Variants in SETBP1 observed in about 807,000 individuals in gnomAD.
SETBP1 encodes SET-binding protein.
Under a neutral mutation model 101.0 loss-of-function variants are expected in SETBP1, and 9 were observed. That is an observed-to-expected ratio of 0.09 (90% CI 0.05 to 0.16). The LOEUF is 0.16. SETBP1 is among the 10% of genes least tolerant of loss of function. The pLI is 1.00. For missense variants in SETBP1, 1,858 were observed against 2,033.8 expected, an observed-to-expected ratio of 0.91 and a Z score of 1.66; for synonymous variants, 818 against 788.5, an observed-to-expected ratio of 1.04 and a Z score of -0.63.
intron 1 of SETBP1, among the ~76,000 whole-genome samples, chr18:44,699,053 T>G (rs544946751): frequency 1.3e-4 from 20 of 152,354 alleles, no homozygotes; most frequent in Admixed American, 3.3e-4. Context: ...AGAGTTCACC[T>G]TCTTTTATTG....
chr18:44,856,121 GT>G (rs1206168604), intron 2 of SETBP1, among the ~76,000 whole-genome samples: 5 of 150,378 alleles, frequency 3.3e-5, no homozygotes, highest in African/African-American at 1.2e-4. Context: ...GATCATGAAG[GT>G]TAAAAAAAAA....
intron 2 of SETBP1, among the ~76,000 whole-genome samples, chr18:44,772,465 G>T (rs1218303443): frequency 1.3e-5 from 2 of 152,164 alleles, no homozygotes; most frequent in Admixed American, 6.5e-5. Context: ...ACTGGGAACC[G>T]CATCCCTGGG....
intron 2 of SETBP1, among the ~76,000 whole-genome samples, chr18:44,811,462 G>A (rs529568410): frequency 1.4e-4 from 22 of 152,360 alleles, no homozygotes; most frequent in African/African-American, 4.8e-4. Flanking sequence ...TTGGCAAATT[G>A]TTTGTGCTGA....
intron 1 of SETBP1, among the ~76,000 whole-genome samples, chr18:44,681,614 A>G (rs2068761799): frequency 6.9e-6 from 1 of 144,256 alleles, no homozygotes; most frequent in Non-Finnish European, 1.5e-5. Flanking sequence ...AACTGGAAAT[A>G]TTTTCATTGG....
intron 3 of SETBP1, among the ~76,000 whole-genome samples, chr18:44,948,584 T>C (rs2071267302): frequency 1.3e-5 from 2 of 152,208 alleles, no homozygotes; most frequent in Non-Finnish European, 2.9e-5. Context: ...CCAGTCATCA[T>C]ATACTTCCTG....
At chr18:44,953,865 C>A (rs1181786089) in intron 4 of SETBP1, among the ~76,000 whole-genome samples, 1 of 152,170 alleles carries the variant, frequency 6.6e-6, no homozygotes, top group African/African-American at 2.4e-5. Flanking sequence ...CATCAGGTAG[C>A]CACAGCCTTG....
intron 3 of SETBP1, among the ~76,000 whole-genome samples, chr18:44,921,272 C>A (rs1352407517): frequency 6.6e-6 from 1 of 152,190 alleles, no homozygotes; most frequent in Admixed American, 6.5e-5. Context: ...CTTACAAAGA[C>A]TATTTGAAGC....
intron 1 of SETBP1, among the ~76,000 whole-genome samples, chr18:44,689,449 T>TC (rs2068892944): frequency 6.6e-6 from 1 of 152,160 alleles, no homozygotes. Flanking sequence ...TTCAAACTAA[T>TC]CAACCTTCCA....
At chr18:45,049,482 A>T (rs996738364) in intron 5 of SETBP1, among the ~76,000 whole-genome samples, 1 of 152,236 alleles carries the variant, frequency 6.6e-6, no homozygotes, top group Non-Finnish European at 1.5e-5. Flanking sequence ...CCATTTATGA[A>T]CATCAGAAGA....
intron 2 of SETBP1, among the ~76,000 whole-genome samples, chr18:44,868,751 G>C (rs2069198100): frequency 1.5e-5 from 1 of 68,014 alleles, no homozygotes; most frequent in African/African-American, 4.6e-5. Context: ...AGGAAGGAAG[G>C]AAGGAAGGAA....
At chr18:44,687,855 A>G (rs2068863257) in intron 1 of SETBP1, among the ~76,000 whole-genome samples, 1 of 152,088 alleles carries the variant, frequency 6.6e-6, no homozygotes. Context: ...TGGGTTCCTG[A>G]GGTGTCCTCT....
intron 3 of SETBP1, among the ~76,000 whole-genome samples, chr18:44,928,201 T>C (rs2070747346): frequency 6.6e-6 from 1 of 152,220 alleles, no homozygotes; most frequent in Non-Finnish European, 1.5e-5. Context: ...GTCCTTGTGA[T>C]AGTTTGCTCA....
intron 3 of SETBP1, among the ~76,000 whole-genome samples, chr18:44,933,954 C>T (rs2070898130): frequency 6.6e-6 from 1 of 152,124 alleles, no homozygotes; most frequent in East Asian, 1.9e-4. Flanking sequence ...CTGACAAGCC[C>T]CAGTGAGATG....
At chr18:44,863,367 T>C (rs2069056831) in intron 2 of SETBP1, among the ~76,000 whole-genome samples, 1 of 152,216 alleles carries the variant, frequency 6.6e-6, no homozygotes, top group South Asian at 2.1e-4. Flanking sequence ...CACTTTATCT[T>C]TCTGTGCCTC....
intron 2 of SETBP1, among the ~76,000 whole-genome samples, chr18:44,808,562 C>T (rs1300487856): frequency 2.6e-5 from 4 of 152,146 alleles, no homozygotes; most frequent in East Asian, 1.9e-4. Flanking sequence ...GAACACAGCA[C>T]ATGCGTCGAC....
At chr18:44,778,950 G>A (rs2071065378) in intron 2 of SETBP1, among the ~76,000 whole-genome samples, 1 of 152,122 alleles carries the variant, frequency 6.6e-6, no homozygotes, top group South Asian at 2.1e-4. Context: ...CTGAGCAGCC[G>A]GGTGGAAGGA....
intron 2 of SETBP1, among the ~76,000 whole-genome samples, chr18:44,846,612 T>G (rs545333691): frequency 3.9e-5 from 6 of 152,332 alleles, no homozygotes; most frequent in African/African-American, 1.4e-4. Context: ...AGTTTGAGTT[T>G]CCTGAGCTAG....
chr18:44,936,536 A>AT (rs536285659), intron 3 of SETBP1, among the ~76,000 whole-genome samples: 32 of 151,998 alleles, frequency 2.1e-4, no homozygotes, highest in East Asian at 9.7e-4. Flanking sequence ...AGTTTTTATA[A>AT]TTTTTTCCCC....
intron 2 of SETBP1, among the ~76,000 whole-genome samples, chr18:44,854,023 C>G (rs1483967244): frequency 6.6e-6 from 1 of 152,102 alleles, no homozygotes; most frequent in Non-Finnish European, 1.5e-5. Flanking sequence ...TTTCTCATTA[C>G]TTTTTCTTGA....
Sources: allele counts gnomAD v4.1 joint callset (sites outside exome capture counted in the v4.1 genomes callset), GRCh38; gene constraint gnomAD v4.1.1; transcripts MANE v1.5; gene names NCBI Gene and HGNC (gene_info 2026-07-23, HGNC 2026-07-21).